KCTD16: variants seen among roughly 807,000 people sequenced by gnomAD.
KCTD16 encodes potassium channel tetramerization domain containing 16.
Under a neutral mutation model 33.2 loss-of-function variants are expected in KCTD16, and 13 were observed. The ratio of observed to expected loss-of-function variants is 0.39; its 90% CI spans 0.25 to 0.62. The LOEUF is 0.62. Among genes scored for constraint, KCTD16 ranks in the 20% least tolerant of loss-of-function variants. The probability of loss-of-function intolerance (pLI) is 0.50; values close to 1 mark genes in which losing one functional copy is unlikely to be tolerated. For missense variants in KCTD16, 441 were observed against 525.1 expected (o/e 0.84, Z 1.57); for synonymous variants, 197 against 195.3 (o/e 1.01, Z -0.07).
chr5:144,345,020 C>A (rs539962972), intron 3 of KCTD16, among the ~76,000 whole-genome samples: 1 of 151,844 alleles, frequency 6.6e-6, no homozygotes, highest in Non-Finnish European at 1.5e-5. Flanking sequence ...GAATACTATG[C>A]AGCCATGAAA....
intron 3 of KCTD16, among the ~76,000 whole-genome samples, chr5:144,359,063 G>T (rs1220924650): frequency 2.0e-5 from 3 of 152,190 alleles, no homozygotes; most frequent in Non-Finnish European, 4.4e-5. Context: ...GGCTCAGAAG[G>T]TTCAGAAAGT....
chr5:144,357,404 A>G (rs1751594285), intron 3 of KCTD16, among the ~76,000 whole-genome samples: 1 of 152,174 alleles, frequency 6.6e-6, no homozygotes, highest in Admixed American at 6.6e-5. Flanking sequence ...ATATAATCTT[A>G]GGCGATGTAG....
In KCTD16 at chr5:144,417,306, CTTATAT is replaced by C. The variant is rs1753079789; in HGVS notation, c.833-56352_833-56347del. Among the ~76,000 whole-genome samples, 5 of 151,928 alleles carry C rather than the reference CTTATAT, an allele frequency of 3.3e-5. No individual in the cohort carries two copies. In the South Asian group the frequency reaches 1.0e-3, roughly 31 times the overall value. ...TTTATTTTAAAAATATATTATTATA[CTTATAT>C]TAGTGGATATCAAATGGTGCCTCAT... On this transcript the variant is annotated intron_variant, in intron 3 of 3. Coordinates refer to ENST00000512467, the MANE Select transcript of KCTD16 (RefSeq NM_020768.4).
rs148769220 is a variant in KCTD16, at chr5:144,277,290, A to C, written c.832+69744A>C. Among the ~76,000 whole-genome samples, 455 of 152,344 alleles carry C rather than the reference A, an allele frequency of 3.0e-3. 1 individual carries two copies. Among genetic ancestry groups the C allele is most frequent in the African/African-American group, 8.6e-3 (359 of 41,586 alleles). Reference sequence around the variant, plus strand: ...TGTAAATAGCTCAATGCTGCTGCTGATGATGATGACGACGATGATGATGAT... The same window carrying C: ...TGTAAATAGCTCAATGCTGCTGCTGCTGATGATGACGACGATGATGATGAT... On this transcript the variant is annotated intron_variant, in intron 3 of 3. Coordinates refer to ENST00000512467, the MANE Select transcript of KCTD16 (RefSeq NM_020768.4).
rs533699075 is a variant in KCTD16 at position 144,462,337 on chromosome 5, G to A, written c.833-11323G>A. On this transcript the variant is annotated intron_variant, in intron 3 of 3. Coordinates refer to ENST00000512467, the MANE Select transcript of KCTD16 (RefSeq NM_020768.4). ...TCATCAATATTACAGTTTTTAAACAGAATGATTTAATATTTGCCAGCTAAT... is the reference window on the plus strand; with the variant it reads ...TCATCAATATTACAGTTTTTAAACAAAATGATTTAATATTTGCCAGCTAAT... Among the ~76,000 whole-genome samples, 3 of 152,202 alleles carry A rather than the reference G, an allele frequency of 2.0e-5. No individual in the cohort carries two copies. The South Asian group carries it at 6.2e-4, about 32-fold the overall frequency.
At chr5:144,178,167 A>G (rs762658016) in intron 2 of KCTD16, among the ~76,000 whole-genome samples, 4 of 152,246 alleles carry the variant, frequency 2.6e-5, no homozygotes, top group Admixed American at 2.0e-4. Context: ...CATTATGTTT[A>G]TAAATGAGTA....
chr5:144,325,250 A>G (rs10070421), intron 3 of KCTD16, among the ~76,000 whole-genome samples: 32,599 of 152,078 alleles, frequency 0.21, 3,949 homozygotes, highest in Non-Finnish European at 0.28. Context: ...CCACTACAAT[A>G]GTTCAAGCTA....
intron 3 of KCTD16, among the ~76,000 whole-genome samples, chr5:144,444,126 G>C (rs776346169): frequency 3.0e-4 from 45 of 151,986 alleles, no homozygotes; most frequent in Non-Finnish European, 6.5e-4. Context: ...CATACTCACT[G>C]CTACTGGGAT....
Position 144,348,761 on chromosome 5 carries a change from T to C in KCTD16, c.833-124899T>C, listed in dbSNP as rs534832405. On this transcript the variant is annotated intron_variant, in intron 3 of 3. Transcript: ENST00000512467. ...TGGAGGATTCTAGCGTATCAAAGTA[T>C]ATTTTTTAATAGACTCCTTGAGCTT... Among the ~76,000 whole-genome samples, 19 of 152,372 alleles carry C rather than the reference T, an allele frequency of 1.2e-4. No homozygotes were observed. The South Asian group carries it at 3.7e-3, about 30-fold the overall frequency.
chr5:144,348,220 T>C (rs901487068), intron 3 of KCTD16, among the ~76,000 whole-genome samples: 2 of 152,220 alleles, frequency 1.3e-5, no homozygotes, highest in African/African-American at 4.8e-5. Flanking sequence ...AAGGCATATA[T>C]GTGTTTCTAT....
intron 3 of KCTD16, among the ~76,000 whole-genome samples, chr5:144,369,968 A>G (rs1751928904): frequency 6.6e-6 from 1 of 152,222 alleles, no homozygotes; most frequent in Non-Finnish European, 1.5e-5. Context: ...AAAAGAAAAT[A>G]GTAAGTAGAT....
At chr5:144,442,928 G>T (rs964780505) in intron 3 of KCTD16, among the ~76,000 whole-genome samples, 1 of 151,974 alleles carries the variant, frequency 6.6e-6, no homozygotes, top group Non-Finnish European at 1.5e-5. Flanking sequence ...TTTTTGGCAA[G>T]GAACCTCTAC....
At chr5:144,322,697 A>G (rs1485028913) in intron 3 of KCTD16, among the ~76,000 whole-genome samples, 1 of 151,644 alleles carries the variant, frequency 6.6e-6, no homozygotes, top group Non-Finnish European at 1.5e-5. Flanking sequence ...GGTGCTTCTC[A>G]CAATAACAAC....
At chr5:144,439,452 C>A in intron 3 of KCTD16, 1 of 293,880 alleles carries the variant, frequency 3.4e-6, no homozygotes. Flanking sequence ...CCAGTGCCCG[C>A]TACCCAAGAA....
At chr5:144,416,797 C>G (rs1450821231) in intron 3 of KCTD16, among the ~76,000 whole-genome samples, 1 of 152,124 alleles carries the variant, frequency 6.6e-6, no homozygotes, top group Non-Finnish European at 1.5e-5. Context: ...CCTACAATCT[C>G]CTGTAAGCTA....
At chr5:144,453,480 C>T (rs2126986507) in intron 3 of KCTD16, among the ~76,000 whole-genome samples, 1 of 152,182 alleles carries the variant, frequency 6.6e-6, no homozygotes, top group Admixed American at 6.5e-5. Context: ...GTCAAAATGC[C>T]TTAACAGAAA....
intron 3 of KCTD16, among the ~76,000 whole-genome samples, chr5:144,339,368 C>A (rs1189731774): frequency 6.6e-6 from 1 of 152,184 alleles, no homozygotes; most frequent in African/African-American, 2.4e-5. Context: ...CTTTGTACAA[C>A]TATTATTCGA....
Position 144,358,665 on chromosome 5 carries a change from A to G in KCTD16, c.833-114995A>G, listed in dbSNP as rs190094856. Reference sequence around the variant, plus strand: ...AATGCCACAAACTGGGGGCTTATAAATGCATAAATTAATTTCTCACAGTTT... The same window carrying G: ...AATGCCACAAACTGGGGGCTTATAAGTGCATAAATTAATTTCTCACAGTTT... On this transcript the variant is annotated intron_variant, in intron 3 of 3. Coordinates refer to ENST00000512467, the MANE Select transcript of KCTD16 (RefSeq NM_020768.4). 1.6e-3 allele frequency among the ~76,000 whole-genome samples: 247 copies of G among 152,296 alleles called. 1 individual carries two copies. Among genetic ancestry groups the G allele is most frequent in the Non-Finnish European group, 2.7e-3 (185 of 68,020 alleles).
chr5:144,303,240 T>G (rs550695158), intron 3 of KCTD16, among the ~76,000 whole-genome samples: 1 of 152,342 alleles, frequency 6.6e-6, no homozygotes, highest in East Asian at 1.9e-4. Flanking sequence ...CTGCAAGTGT[T>G]ATTAGAATTA....
Sources: gnomAD v4.1 joint callset for allele counts (sites outside exome capture counted in the v4.1 genomes callset) on GRCh38, gnomAD v4.1.1 for gene constraint, MANE v1.5 for transcripts, NCBI Gene and HGNC (gene_info 2026-07-23, HGNC 2026-07-21) for gene names.